SLC15A1: variants seen among roughly 807,000 people sequenced by gnomAD.
SLC15A1 encodes the protein Caco-2 oligopeptide transporter.
A neutral mutation model predicts 92.9 loss-of-function variants in SLC15A1; 83 were observed. The ratio of observed to expected loss-of-function variants is 0.89; its 90% CI spans 0.75 to 1.07. The LOEUF (loss-of-function observed/expected upper bound fraction) is 1.07. Ranked by LOEUF, SLC15A1 falls within the 50% of genes least tolerant of loss-of-function variation. The probability of loss-of-function intolerance (pLI) is 0.00; values close to 1 mark genes in which losing one functional copy is unlikely to be tolerated. For missense variants in SLC15A1, 857 were observed against 880.1 expected (o/e 0.97, Z 0.33); for synonymous variants, 322 against 318.2 (o/e 1.01, Z -0.13).
At chr13:98,685,680 TAAC>T (rs1462298234) in intron 22 of SLC15A1, among the ~76,000 whole-genome samples, 2 of 152,142 alleles carry the variant, frequency 1.3e-5, no homozygotes, top group South Asian at 2.1e-4. Flanking sequence ...CCAGCTGCGT[TAAC>T]AACAAGTGGG....
chr13:98,750,407 A>G (rs2088534626), intron 1 of SLC15A1, among the ~76,000 whole-genome samples: 1 of 152,014 alleles, frequency 6.6e-6, no homozygotes, highest in South Asian at 2.1e-4. Flanking sequence ...CACCGCGCCC[A>G]GCCCCAAAGC....
At chr13:98,723,143 C>T (rs2088273255) in intron 5 of SLC15A1, among the ~76,000 whole-genome samples, 1 of 152,110 alleles carries the variant, frequency 6.6e-6, no homozygotes, top group Admixed American at 6.5e-5. Context: ...TCCCCAAGGC[C>T]ACAGAGCTGC....
At chr13:98,686,137 G>T in intron 22 of SLC15A1, 53 bp downstream of exon 22, 1 of 1,333,270 alleles carries the variant, frequency 7.5e-7, no homozygotes, top group South Asian at 1.2e-5. Context: ...CCACCATGAT[G>T]ACCATGAACA....
intron 18 of SLC15A1, among the ~76,000 whole-genome samples, chr13:98,690,143 T>C (rs777259792): frequency 3.1e-4 from 47 of 152,162 alleles, no homozygotes; most frequent in Non-Finnish European, 5.7e-4. Flanking sequence ...TAGAGAACAA[T>C]AAGTCTTACT....
intron 1 of SLC15A1, among the ~76,000 whole-genome samples, chr13:98,751,104 C>A (rs535531549): frequency 8.8e-5 from 13 of 148,010 alleles, no homozygotes; most frequent in Admixed American, 2.7e-4. Flanking sequence ...CCCATAACAA[C>A]CATTAAACAA....
At chr13:98,687,790 G>A (rs2087942249) in intron 20 of SLC15A1, 66 bp from the exon 21 acceptor site, 1 of 1,567,670 alleles carries the variant, frequency 6.4e-7, no homozygotes, top group Non-Finnish European at 8.7e-7. Context: ...GTTCGAACAG[G>A]TAAATTGAGT....
chr13:98,744,341 C>CTT (rs528329997), intron 1 of SLC15A1, among the ~76,000 whole-genome samples: 5 of 136,858 alleles, frequency 3.7e-5, no homozygotes, highest in African/African-American at 1.1e-4. Flanking sequence ...CACACACAGA[C>CTT]TTTTTTTTTT....
intron 1 of SLC15A1, among the ~76,000 whole-genome samples, chr13:98,727,822 C>T (rs938587129): frequency 1.3e-5 from 2 of 152,202 alleles, no homozygotes; most frequent in Admixed American, 6.5e-5. Context: ...TCACTCACCC[C>T]GATTTCCTTA....
intron 1 of SLC15A1, among the ~76,000 whole-genome samples, chr13:98,733,141 C>T (rs1372334922): frequency 1.3e-5 from 2 of 152,044 alleles, no homozygotes; most frequent in East Asian, 1.9e-4. Context: ...GGGTTCTCCC[C>T]GAGAGCCTTT....
intron 1 of SLC15A1, among the ~76,000 whole-genome samples, chr13:98,742,675 C>T (rs2078631821): frequency 6.6e-6 from 1 of 152,184 alleles, no homozygotes; most frequent in African/African-American, 2.4e-5. Flanking sequence ...TTGGTGTTCC[C>T]CGTCTTGTAA....
chr13:98,707,196 A>G, intron 15 of SLC15A1, among the ~76,000 whole-genome samples: 1 of 152,328 alleles, frequency 6.6e-6, no homozygotes, highest in South Asian at 2.1e-4. Context: ...GAGCGTGAGT[A>G]CAGCCATGTT....
intron 14 of SLC15A1, 121 bp from the exon 15 acceptor site, chr13:98,708,888 C>T (rs539046248): frequency 1.1e-5 from 6 of 569,708 alleles, no homozygotes; most frequent in East Asian, 9.6e-5. Context: ...GGCTTGAAAG[C>T]ACCTCTCCCC....
intron 8 of SLC15A1, among the ~76,000 whole-genome samples, chr13:98,717,466 C>T (rs1566451355): frequency 2.0e-5 from 3 of 152,122 alleles, no homozygotes; most frequent in East Asian, 1.9e-4. Context: ...GAAGAAAAAG[C>T]ATAATCGTTG....
intron 1 of SLC15A1, among the ~76,000 whole-genome samples, chr13:98,743,632 A>T (rs764598655): frequency 1.4e-4 from 22 of 152,172 alleles, no homozygotes; most frequent in Non-Finnish European, 3.1e-4. Context: ...GACAGTCCTA[A>T]GTCCTGCCTC....
At position 98,719,330 on chromosome 13, in the gene SLC15A1, A is replaced by C. The variant is rs754706002; in HGVS notation, c.557-10T>G. 6 of 1,603,626 alleles carry C rather than the reference A, an allele frequency of 3.7e-6. No individual in the cohort carries two copies. In the South Asian group the frequency reaches 6.6e-5, roughly 18 times the overall value. Reference sequence around the variant, plus strand: ...ATTCCACATTGTTGAACTGGGGAGAAATGACAAGATTAAAATTGTTATGGC... The same window carrying C: ...ATTCCACATTGTTGAACTGGGGAGACATGACAAGATTAAAATTGTTATGGC... On this transcript the variant is annotated splice_polypyrimidine_tract_variant and intron_variant, in intron 7 of 22. Coordinates refer to ENST00000376503, the MANE Select transcript of SLC15A1 (RefSeq NM_005073.4).
At chr13:98,707,891 T>TTTAAA (rs1315915894) in intron 15 of SLC15A1, among the ~76,000 whole-genome samples, 1 of 106,852 alleles carries the variant, frequency 9.4e-6, no homozygotes, top group African/African-American at 4.0e-5. Context: ...AGACCCTGTT[T>TTTAAA]AAAAAAAAAA....
intron 1 of SLC15A1, among the ~76,000 whole-genome samples, chr13:98,747,279 G>GT (rs1351195656): frequency 6.6e-6 from 1 of 152,074 alleles, no homozygotes; most frequent in Non-Finnish European, 1.5e-5. Flanking sequence ...CCTGACCCTT[G>GT]TTTTTATTTC....
At chr13:98,721,188 C>T (rs2088254227) in intron 7 of SLC15A1, 1 of 555,552 alleles carries the variant, frequency 1.8e-6, no homozygotes. Flanking sequence ...TCCAAGGCAC[C>T]TCTCTTGCCT....
rs1372841720 is a variant in SLC15A1, at chr13:98,684,850, A to G, written c.2001T>C (p.Ala667=). ...CTGGGTTGATGTAAGTATAGAACCGAGCCATGATGGCAAAAATTACACAGA... is the reference window on the plus strand; with the variant it reads ...CTGGGTTGATGTAAGTATAGAACCGGGCCATGATGGCAAAAATTACACAGA... ...LVVCVIFAIM[A]RFYTYINPAE... The change falls in exon 23 of 23, where the codon GCT becomes GCC. Residue 667 remains alanine (A), a synonymous_variant. Coordinates refer to ENST00000376503, the MANE Select transcript of SLC15A1 (RefSeq NM_005073.4). 6.2e-7 allele frequency: 1 copy of G among 1,614,154 alleles called. No individual in the cohort carries two copies. Among genetic ancestry groups the G allele is most frequent in the South Asian group, 1.1e-5 (1 of 91,084 alleles).
Sources: allele counts gnomAD v4.1 joint callset (sites outside exome capture counted in the v4.1 genomes callset), GRCh38; gene constraint gnomAD v4.1.1; transcripts MANE v1.5; gene names NCBI Gene and HGNC (gene_info 2026-07-23, HGNC 2026-07-21).